The following VEPH1 variants were observed in gnomAD, a reference collection of about 807,000 sequenced individuals.
The protein encoded by VEPH1 is ventricular zone-expressed PH domain-containing protein homolog 1.
VEPH1 carries 80 observed loss-of-function variants against 85.2 expected under a neutral mutation model. The observed-to-expected ratio is 0.94, with a 90% CI of 0.78 to 1.13. The LOEUF (loss-of-function observed/expected upper bound fraction) is 1.13, where lower values mean the gene tolerates loss of function less well. Ranked by LOEUF, VEPH1 falls within the 50% of genes most tolerant of loss-of-function variation. The probability of loss-of-function intolerance (pLI) is 0.00; values close to 1 mark genes in which losing one functional copy is unlikely to be tolerated. For missense variants in VEPH1, 955 were observed against 980.5 expected (o/e 0.97, Z 0.35); for synonymous variants, 297 against 348.0 (o/e 0.85, Z 1.63).
chr3:157,438,033 G>GCA lies in VEPH1; in HGVS notation c.530-9546_530-9545insTG, dbSNP rs1187828452. On this transcript the variant is annotated intron_variant, in intron 4 of 13. Coordinates refer to ENST00000362010, the MANE Select transcript of VEPH1 (RefSeq NM_001167912.2). ...GCTTTCATGGGAAGCGCGCGCGCGC[G>GCA]CGCGCACACACACACACACACACAC... 31 of 794,046 alleles carry GCA rather than the reference G, an allele frequency of 3.9e-5. No homozygotes were observed. The African/African-American group carries it at 5.7e-4, about 14-fold the overall frequency. The allele number at this position is 794,046 out of a possible 1,614,324, so 49.2% of individuals were successfully genotyped here.
intron 12 of VEPH1, among the ~76,000 whole-genome samples, chr3:157,280,352 G>A (rs775328601): frequency 7.9e-5 from 12 of 152,124 alleles, no homozygotes; most frequent in Non-Finnish European, 1.5e-4. Flanking sequence ...TACGTATAGT[G>A]ATTTGTTAGT....
chr3:157,443,120 A>G, intron 4 of VEPH1: 1 of 989,116 alleles, frequency 1.0e-6, no homozygotes, highest in Admixed American at 2.9e-5. Context: ...CTTTATTTGT[A>G]CTGGCCAAAT....
At chr3:157,459,544 G>A (rs749687418) in intron 4 of VEPH1, 22 of 1,004,898 alleles carry the variant, frequency 2.2e-5, no homozygotes, top group Non-Finnish European at 2.7e-5. Flanking sequence ...ATCATGTATT[G>A]TTCTCTGACT....
At chr3:157,372,012 A>G (rs1018891863) in intron 7 of VEPH1, among the ~76,000 whole-genome samples, 3 of 152,186 alleles carry the variant, frequency 2.0e-5, no homozygotes, top group Admixed American at 6.5e-5. Context: ...AACGTAGAGT[A>G]GGAATATCAT....
chr3:157,361,491 T>A (rs965461892), intron 9 of VEPH1, among the ~76,000 whole-genome samples: 5 of 152,224 alleles, frequency 3.3e-5, no homozygotes, highest in Admixed American at 2.0e-4. Context: ...CAGATGAATA[T>A]GAATTGGATT....
At chr3:157,442,664 G>A in intron 4 of VEPH1, 1 of 1,614,226 alleles carries the variant, frequency 6.2e-7, no homozygotes, top group African/African-American at 1.3e-5. Flanking sequence ...GGAATTCAGA[G>A]GAAGGGCTCA....
chr3:157,394,568 T>C (rs1181221013), intron 6 of VEPH1, among the ~76,000 whole-genome samples: 6 of 152,204 alleles, frequency 3.9e-5, no homozygotes, highest in African/African-American at 1.4e-4. Flanking sequence ...AGGCTGTTCA[T>C]GAAGCATAGT....
intron 6 of VEPH1, among the ~76,000 whole-genome samples, chr3:157,391,101 C>A (rs1261779675): frequency 6.6e-6 from 1 of 152,226 alleles, no homozygotes; most frequent in African/African-American, 2.4e-5. Flanking sequence ...CACTCACACA[C>A]CCCTTGCCGT....
At chr3:157,347,488 A>G (rs1361310799) in intron 9 of VEPH1, among the ~76,000 whole-genome samples, 2 of 152,160 alleles carry the variant, frequency 1.3e-5, no homozygotes, top group Non-Finnish European at 2.9e-5. Flanking sequence ...CAAGAGGGCT[A>G]GTGAGGGATG....
chr3:157,324,103 G>A (rs1721634684), intron 9 of VEPH1, among the ~76,000 whole-genome samples: 1 of 152,162 alleles, frequency 6.6e-6, no homozygotes, highest in Non-Finnish European at 1.5e-5. Flanking sequence ...TGCCCAGGCT[G>A]GAGTACAGTG....
intron 2 of VEPH1, among the ~76,000 whole-genome samples, chr3:157,483,397 A>G (rs547940750): frequency 6.6e-6 from 1 of 152,292 alleles, no homozygotes; most frequent in African/African-American, 2.4e-5. Context: ...ACCCAAGAAA[A>G]TAAGGCAATA....
At chr3:157,290,415 A>AT (rs773895614) in intron 11 of VEPH1, among the ~76,000 whole-genome samples, 3 of 152,190 alleles carry the variant, frequency 2.0e-5, no homozygotes, top group Non-Finnish European at 4.4e-5. Context: ...GTACTGTGAG[A>AT]TAATAAGTAT....
chr3:157,419,980 T>A (rs1314176805), intron 5 of VEPH1, among the ~76,000 whole-genome samples: 1 of 152,188 alleles, frequency 6.6e-6, no homozygotes, highest in Non-Finnish European at 1.5e-5. Flanking sequence ...TACCATGGAC[T>A]ACTATGCAGT....
intron 9 of VEPH1, among the ~76,000 whole-genome samples, chr3:157,318,377 G>T (rs1182736925): frequency 6.6e-6 from 1 of 152,078 alleles, no homozygotes; most frequent in Non-Finnish European, 1.5e-5. Context: ...AGAAGCCAAG[G>T]TGGGCGGATT....
chr3:157,458,580 T>C (rs1735568186), intron 4 of VEPH1, among the ~76,000 whole-genome samples: 1 of 152,240 alleles, frequency 6.6e-6, no homozygotes, highest in Non-Finnish European at 1.5e-5. Context: ...GGTTGTCTGT[T>C]GACTCTGTTG....
At chr3:157,291,313 T>C (rs1717449537) in intron 11 of VEPH1, among the ~76,000 whole-genome samples, 1 of 152,226 alleles carries the variant, frequency 6.6e-6, no homozygotes, top group Non-Finnish European at 1.5e-5. Context: ...GAAATAAGCT[T>C]GCTTAGGGAA....
At chr3:157,298,607 A>G (rs988002720) in intron 11 of VEPH1, among the ~76,000 whole-genome samples, 2 of 152,222 alleles carry the variant, frequency 1.3e-5, no homozygotes, top group Non-Finnish European at 2.9e-5. Context: ...GTGAAAGACC[A>G]TAAAGAAAGG....
At chr3:157,325,438 G>A (rs1721793106) in intron 9 of VEPH1, among the ~76,000 whole-genome samples, 1 of 152,122 alleles carries the variant, frequency 6.6e-6, no homozygotes, top group African/African-American at 2.4e-5. Flanking sequence ...GAATGGTCCT[G>A]CCTAGATTTT....
intron 4 of VEPH1, chr3:157,459,947 A>C: frequency 6.5e-7 from 1 of 1,537,256 alleles, no homozygotes; most frequent in Non-Finnish European, 8.7e-7. Flanking sequence ...CAGATTTGGA[A>C]GAATGCTTAC....
Sources: allele counts gnomAD v4.1 joint callset (sites outside exome capture counted in the v4.1 genomes callset), GRCh38; gene constraint gnomAD v4.1.1; transcripts MANE v1.5; gene names NCBI Gene and HGNC (gene_info 2026-07-23, HGNC 2026-07-21).